ABL2: variants seen among roughly 807,000 people sequenced by gnomAD.
ABL2 encodes ABL proto-oncogene 2, non-receptor tyrosine kinase.
A neutral mutation model predicts 107.7 loss-of-function variants in ABL2; 49 were observed. That is an observed-to-expected ratio of 0.45 (90% CI 0.36 to 0.58). The LOEUF is 0.58. ABL2 is among the 20% of genes least tolerant of loss of function. ABL2 has a pLI of 0.00. For synonymous variants in ABL2, 549 were observed against 548.6 expected (o/e 1.00, Z -0.01); for missense variants, 1,245 against 1,457.0 (o/e 0.85, Z 2.37).
chr1:179,201,527 CCT>C (rs978942307), intron 1 of ABL2: 1 of 311,694 alleles, frequency 3.2e-6, no homozygotes, highest in African/African-American at 2.2e-5. Context: ...ATCCAGTGCC[CCT>C]CTCAGGAAAG....
chr1:179,112,495 TA>T, intron 9 of ABL2, 97 bp from the exon 10 acceptor site: 1 of 858,432 alleles, frequency 1.2e-6, no homozygotes. Flanking sequence ...GATGCACACT[TA>T]TTAAAGTACA....
intron 1 of ABL2, among the ~76,000 whole-genome samples, chr1:179,217,332 G>C (rs6685371): frequency 6.9e-6 from 1 of 144,050 alleles, no homozygotes; most frequent in African/African-American, 2.6e-5. Flanking sequence ...AGAGCCGCTC[G>C]GCCTGTGGCT....
chr1:179,118,812 A>T, intron 6 of ABL2, 48 bp from the exon 7 acceptor site: 1 of 1,562,048 alleles, frequency 6.4e-7, no homozygotes, highest in South Asian at 1.2e-5. Flanking sequence ...ACATTCAAAC[A>T]CTCCAAACCA....
chr1:179,128,046 A>G (rs913595721), intron 3 of ABL2, among the ~76,000 whole-genome samples: 3 of 151,450 alleles, frequency 2.0e-5, no homozygotes, highest in African/African-American at 7.3e-5. Flanking sequence ...AAAAAAAAAA[A>G]GCACATGGCC....
At position 179,103,283 on chromosome 1, in the gene ABL2, TA is replaced by T. The variant is rs2102561851; in HGVS notation, c.*4434del. The T allele has an allele frequency of 9.6e-6, 2 of 207,950 alleles. No homozygotes were observed. The highest frequency in any genetic ancestry group is 1.5e-4 in the East Asian group (2 of 13,686). 12.9% of individuals were successfully genotyped at this position (207,950 alleles called of 1,614,324 possible). A position where few individuals can be genotyped will look rare whatever the true frequency, so the allele number is the denominator to read the frequency against. ...AGCAGTTTCATATTTCTAAATGTGA[TA>T]AATGACAGAGGTGATTCTTACGTAT... On this transcript the variant is annotated 3_prime_UTR_variant, in exon 12 of 12. Coordinates refer to ENST00000502732, the MANE Select transcript of ABL2 (RefSeq NM_007314.4).
chr1:179,150,117 G>A (rs1658275912), intron 1 of ABL2, among the ~76,000 whole-genome samples: 1 of 151,992 alleles, frequency 6.6e-6, no homozygotes, highest in African/African-American at 2.4e-5. Context: ...GCGCACACCT[G>A]TAGTCCCAAC....
chr1:179,188,832 C>G (rs1042703765), intron 1 of ABL2, among the ~76,000 whole-genome samples: 1 of 152,024 alleles, frequency 6.6e-6, no homozygotes, highest in African/African-American at 2.4e-5. Flanking sequence ...TTCATACACA[C>G]CAAAGAAGTC....
At chr1:179,178,766 G>T (rs369552199) in intron 1 of ABL2, among the ~76,000 whole-genome samples, 3 of 151,878 alleles carry the variant, frequency 2.0e-5, no homozygotes, top group East Asian at 1.9e-4. Flanking sequence ...GGGCTGGGGG[G>T]GGTGCCTGTA....
intron 11 of ABL2, 114 bp from the exon 12 acceptor site, chr1:179,109,555 G>A: frequency 6.9e-7 from 1 of 1,455,326 alleles, no homozygotes; most frequent in Non-Finnish European, 9.1e-7. Flanking sequence ...TCAGGTGTTG[G>A]CAGGACTCAG....
intron 1 of ABL2, among the ~76,000 whole-genome samples, chr1:179,181,782 ATTTTAT>A (rs1660387608): frequency 6.6e-6 from 1 of 150,946 alleles, no homozygotes; most frequent in African/African-American, 2.4e-5. Context: ...TTTTTATTTT[ATTTTAT>A]TTTTATTTTT....
intron 5 of ABL2, 122 bp downstream of exon 5, chr1:179,121,473 T>C: frequency 7.8e-7 from 1 of 1,284,396 alleles, no homozygotes; most frequent in South Asian, 1.4e-5. Flanking sequence ...CTCAATTTGC[T>C]GATGTGCTTG....
chr1:179,100,334 T>C lies in ABL2; in HGVS notation c.*7384A>G. 1 of 228,198 alleles carries C rather than the reference T, an allele frequency of 4.4e-6. No individual in the cohort carries two copies. Among genetic ancestry groups the C allele is most frequent in the Non-Finnish European group, 8.7e-6 (1 of 114,966 alleles). The allele number at this position is 228,198 out of a possible 1,614,324, so 14.1% of individuals were successfully genotyped here. A position where few individuals can be genotyped will look rare whatever the true frequency, so the allele number is the denominator to read the frequency against. The stretch of plus-strand genomic sequence containing the variant: ...CACTCACAATACCTGGTATGGTACT[T>C]CTGAACTGTGCAGAACAGTATCTGA... On this transcript the variant is annotated 3_prime_UTR_variant, in exon 12 of 12. Coordinates refer to ENST00000502732, the MANE Select transcript of ABL2 (RefSeq NM_007314.4).
intron 1 of ABL2, among the ~76,000 whole-genome samples, chr1:179,225,597 AT>A (rs781409297): frequency 1.8e-4 from 28 of 152,178 alleles, no homozygotes; most frequent in African/African-American, 6.5e-4. Context: ...GTCTGGAGGC[AT>A]TTTTATAACA....
chr1:179,124,998 C>T (rs538745924), intron 4 of ABL2, among the ~76,000 whole-genome samples: 13 of 152,284 alleles, frequency 8.5e-5, no homozygotes, highest in Non-Finnish European at 1.5e-4. Context: ...TCCCACTCCC[C>T]ACATCCTCAT....
intron 1 of ABL2, among the ~76,000 whole-genome samples, chr1:179,228,038 A>G (rs1225231307): frequency 7.8e-6 from 1 of 127,994 alleles, no homozygotes; most frequent in Non-Finnish European, 1.6e-5. Context: ...CGACAGAATG[A>G]GACTCCGTCT....
chr1:179,171,987 GA>G (rs1319333171), intron 1 of ABL2, among the ~76,000 whole-genome samples: 1 of 152,042 alleles, frequency 6.6e-6, no homozygotes, highest in South Asian at 2.1e-4. Flanking sequence ...ACAAAAGGGG[GA>G]AAAAATGGAA....
At chr1:179,112,172 A>T in intron 10 of ABL2, 137 bp downstream of exon 10, 1 of 650,962 alleles carries the variant, frequency 1.5e-6, no homozygotes, top group South Asian at 2.0e-5. Flanking sequence ...CTCTGATGCA[A>T]TGTCCTTGTA....
chr1:179,141,252 T>C (rs564750846), intron 1 of ABL2, among the ~76,000 whole-genome samples: 52 of 152,008 alleles, frequency 3.4e-4, no homozygotes, highest in South Asian at 2.3e-3. Flanking sequence ...GATCACACCA[T>C]TGTACTCCAA....
chr1:179,139,689 G>A (rs1330545933), intron 1 of ABL2, among the ~76,000 whole-genome samples: 1 of 152,158 alleles, frequency 6.6e-6, no homozygotes. Context: ...ACAGGTCTGT[G>A]GCCTGTTAGG....
Sources: gnomAD v4.1 joint callset for allele counts (sites outside exome capture counted in the v4.1 genomes callset) on GRCh38, gnomAD v4.1.1 for gene constraint, MANE v1.5 for transcripts, NCBI Gene and HGNC (gene_info 2026-07-23, HGNC 2026-07-21) for gene names.